Variants in MYT1L observed in about 807,000 individuals in gnomAD.
MYT1L encodes myelin transcription factor 1 like.
A neutral mutation model predicts 126.7 loss-of-function variants in MYT1L; 12 were observed. That is an observed-to-expected ratio of 0.09 (90% CI 0.06 to 0.15). The LOEUF (loss-of-function observed/expected upper bound fraction) is 0.15, where lower values mean the gene tolerates loss of function less well. Among genes scored for constraint, MYT1L ranks in the 10% least tolerant of loss-of-function variants. The probability of loss-of-function intolerance (pLI) is 1.00; values close to 1 mark genes in which losing one functional copy is unlikely to be tolerated. For missense variants in MYT1L, 979 were observed against 1,585.2 expected (o/e 0.62, Z 6.49); for synonymous variants, 541 against 604.2 (o/e 0.90, Z 1.53).
intron 9 of MYT1L, among the ~76,000 whole-genome samples, chr2:1,924,777 G>A (rs554456515): frequency 6.6e-6 from 1 of 152,118 alleles, no homozygotes; most frequent in African/African-American, 2.4e-5. Flanking sequence ...TTTATTATAA[G>A]GATAAAAGTA....
At chr2:2,306,493 G>A (rs1046772609) in intron 1 of MYT1L, among the ~76,000 whole-genome samples, 1 of 152,106 alleles carries the variant, frequency 6.6e-6, no homozygotes. Context: ...TCCCAGAAAC[G>A]CAGCAAAACA....
At chr2:1,954,289 T>TCACTGCCCGTTAGATGCTCCAGCCATGGC (rs2058140373) in intron 8 of MYT1L, among the ~76,000 whole-genome samples, 2 of 152,170 alleles carry the variant, frequency 1.3e-5, no homozygotes, top group Non-Finnish European at 2.9e-5. Flanking sequence ...CTGCTGGCAC[T>TCACTGCCCGTTAGATGCTCCAGCCATGGC]CACTGCCCGT....
At chr2:1,815,317 A>C (rs2148066539) in intron 21 of MYT1L, among the ~76,000 whole-genome samples, 1 of 152,298 alleles carries the variant, frequency 6.6e-6, no homozygotes, top group Admixed American at 6.5e-5. Context: ...GCTGAGCAGC[A>C]TCAACAGGCC....
chr2:2,004,288 T>TTCTTTCCTGCAG (rs1553405026), intron 4 of MYT1L, among the ~76,000 whole-genome samples: 8 of 50,926 alleles, frequency 1.6e-4, no homozygotes, highest in Non-Finnish European at 3.0e-4. Flanking sequence ...CTTTCCTGCA[T>TTCTTTCCTGCAG]GCGTTCTTTC....
chr2:1,878,243 T>G (rs1389934445), intron 18 of MYT1L, among the ~76,000 whole-genome samples: 1 of 152,194 alleles, frequency 6.6e-6, no homozygotes, highest in Non-Finnish European at 1.5e-5. Context: ...TTGCAGGTAT[T>G]CCATTCTGAA....
At chr2:2,155,831 C>T (rs536547298) in intron 3 of MYT1L, among the ~76,000 whole-genome samples, 2 of 152,306 alleles carry the variant, frequency 1.3e-5, no homozygotes, top group African/African-American at 4.8e-5. Context: ...TCACTCCTTA[C>T]TCCTGTCATG....
rs940672853 is a variant in MYT1L, at chr2:2,224,320, G to A, written c.-420-51332C>T. Among the ~76,000 whole-genome samples the A allele has an allele frequency of 2.0e-5, 3 of 152,176 alleles. No individual in the cohort carries two copies. The highest frequency in any genetic ancestry group is 2.9e-5 in the Non-Finnish European group (2 of 68,014). On this transcript the variant is annotated intron_variant, in intron 2 of 24. Coordinates refer to ENST00000647738, the MANE Select transcript of MYT1L (RefSeq NM_001303052.2). This position sits in a 1 kb window ranked among gnomAD's most constrained non-coding sequence, Gnocchi z 4.0. ...ATGGCACCCAGAAAGGAGGCGTGGC[G>A]AGACCTTCCAGCAGACAGCAAAGGA...
intron 21 of MYT1L, among the ~76,000 whole-genome samples, chr2:1,832,293 C>A (rs1321046937): frequency 5.9e-5 from 9 of 152,180 alleles, no homozygotes; most frequent in Admixed American, 5.9e-4. Context: ...CCCCAGAAAC[C>A]AGATCAGCTG....
At chr2:2,057,308 C>A (rs553488978) in intron 3 of MYT1L, among the ~76,000 whole-genome samples, 2 of 151,936 alleles carry the variant, frequency 1.3e-5, no homozygotes, top group Admixed American at 1.3e-4. Flanking sequence ...TTTTCCTGTT[C>A]ATCACCACGC....
At chr2:2,052,526 T>C (rs1491003002) in intron 4 of MYT1L, among the ~76,000 whole-genome samples, 1 of 152,190 alleles carries the variant, frequency 6.6e-6, no homozygotes, top group East Asian at 1.9e-4. Flanking sequence ...AGAAGATATT[T>C]GCAAATCATA....
chr2:2,177,753 A>AG (rs373549317), intron 2 of MYT1L, among the ~76,000 whole-genome samples: 14 of 152,310 alleles, frequency 9.2e-5, no homozygotes, highest in African/African-American at 3.1e-4. Flanking sequence ...TGAGAACAGC[A>AG]TGGGGTAGGG....
intron 8 of MYT1L, among the ~76,000 whole-genome samples, chr2:1,958,678 T>C (rs1231561637): frequency 6.6e-6 from 1 of 152,160 alleles, no homozygotes; most frequent in Non-Finnish European, 1.5e-5. Flanking sequence ...TGGGGGCTGT[T>C]CACTGTGAGA....
intron 21 of MYT1L, among the ~76,000 whole-genome samples, chr2:1,823,515 C>A (rs999908222): frequency 6.6e-6 from 1 of 152,164 alleles, no homozygotes; most frequent in Non-Finnish European, 1.5e-5. Context: ...AGCAGCTCCC[C>A]CAGGACGGAA....
rs1558704804 is a variant in MYT1L at position 2,004,958 on chromosome 2, GCGTTCTTTCCT to G, written c.-157-7622_-157-7612del. On this transcript the variant is annotated intron_variant, in intron 4 of 24. Coordinates refer to ENST00000647738, the MANE Select transcript of MYT1L (RefSeq NM_001303052.2). ...TTCCTGCATGCGTTCTTTCCTGCAT[GCGTTCTTTCCT>G]GCATGCCTTCTTTCCTGCAGGCGTT... 1.6e-3 allele frequency among the ~76,000 whole-genome samples: 229 copies of G among 146,362 alleles called. 1 individual carries two copies. Among genetic ancestry groups the G allele is most frequent in the African/African-American group, 5.3e-3 (208 of 39,234 alleles).
intron 16 of MYT1L, among the ~76,000 whole-genome samples, chr2:1,888,137 G>A (rs954559549): frequency 3.9e-5 from 6 of 152,216 alleles, no homozygotes; most frequent in African/African-American, 9.7e-5. Flanking sequence ...CTGCAGTAAC[G>A]TAGATGTTTC....
At chr2:2,236,736 G>A (rs2094318184) in intron 2 of MYT1L, among the ~76,000 whole-genome samples, 1 of 150,210 alleles carries the variant, frequency 6.7e-6, no homozygotes, top group Non-Finnish European at 1.5e-5. Flanking sequence ...TCAAAAACTG[G>A]TGAAGACTCA....
chr2:2,152,340 C>G (rs529087583), intron 3 of MYT1L, among the ~76,000 whole-genome samples: 18 of 152,320 alleles, frequency 1.2e-4, no homozygotes, highest in South Asian at 2.1e-4. Flanking sequence ...GAATGGAGTG[C>G]AATTTAAAAC....
Position 1,878,320 on chromosome 2 carries a change from C to A in MYT1L, c.2711+8219G>T, listed in dbSNP as rs55946382. On this transcript the variant is annotated intron_variant, in intron 18 of 24. Transcript: ENST00000647738. ...AAACTGCATTAAACAAAAAAAGATA[C>A]CAGTATATTAATAAAAAATTATTAA... Among the ~76,000 whole-genome samples the A allele has an allele frequency of 6.3e-3, 965 of 152,222 alleles. 6 individuals are homozygous for A. The highest frequency in any genetic ancestry group is 0.017 in the Middle Eastern group (5 of 294).
At chr2:2,084,301 C>G (rs1037470123) in intron 3 of MYT1L, among the ~76,000 whole-genome samples, 1 of 152,240 alleles carries the variant, frequency 6.6e-6, no homozygotes, top group Non-Finnish European at 1.5e-5. Context: ...AGGGAGCAGG[C>G]AGCTCTTCCA....
Sources: allele counts gnomAD v4.1 joint callset (sites outside exome capture counted in the v4.1 genomes callset), GRCh38; gene constraint gnomAD v4.1.1; non-coding constraint Gnocchi (gnomAD v3.1); transcripts MANE v1.5; gene names NCBI Gene and HGNC (gene_info 2026-07-23, HGNC 2026-07-21).